Variants in RBFOX2 observed in about 807,000 individuals in gnomAD.
RBFOX2 encodes the protein RNA binding protein fox-1 homolog 2.
Under a neutral mutation model 49.1 loss-of-function variants are expected in RBFOX2, and 10 were observed. The observed-to-expected ratio is 0.20, with a 90% CI of 0.13 to 0.35. The LOEUF (loss-of-function observed/expected upper bound fraction) is 0.35, where lower values mean the gene tolerates loss of function less well. RBFOX2 is among the 10% of genes least tolerant of loss of function. The pLI is 1.00. For synonymous variants in RBFOX2, 183 were observed against 187.4 expected (o/e 0.98, Z 0.19); for missense variants, 323 against 486.9 (o/e 0.66, Z 3.17).
At chr22:35,866,155 G>A (rs2043656745) in intron 1 of RBFOX2, among the ~76,000 whole-genome samples, 2 of 152,090 alleles carry the variant, frequency 1.3e-5, no homozygotes, top group African/African-American at 4.8e-5. Context: ...TCAATCAAAA[G>A]CAAACAATAA....
intron 1 of RBFOX2, among the ~76,000 whole-genome samples, chr22:35,927,813 C>T (rs1815627166): frequency 6.6e-6 from 1 of 152,136 alleles, no homozygotes; most frequent in Admixed American, 6.5e-5. Flanking sequence ...TAAACTTACA[C>T]AGATTTCATT....
chr22:35,966,795 C>T (rs2056584396), intron 1 of RBFOX2, among the ~76,000 whole-genome samples: 1 of 152,070 alleles, frequency 6.6e-6, no homozygotes, highest in African/African-American at 2.4e-5. Context: ...TGCCTTTTTA[C>T]TTTCTTTTAT....
At chr22:35,757,586 T>C (rs576929643) in intron 9 of RBFOX2, among the ~76,000 whole-genome samples, 1 of 152,344 alleles carries the variant, frequency 6.6e-6, no homozygotes, top group South Asian at 2.1e-4. Flanking sequence ...GGAATGTTTC[T>C]TAATTCTATT....
chr22:35,981,514 C>T (rs1045524646), intron 1 of RBFOX2, among the ~76,000 whole-genome samples: 4 of 151,674 alleles, frequency 2.6e-5, no homozygotes, highest in South Asian at 2.1e-4. Context: ...TGGTGGTGCC[C>T]GCCTGTGGTC....
At chr22:35,904,893 G>A (rs1261177101) in intron 1 of RBFOX2, among the ~76,000 whole-genome samples, 1 of 152,190 alleles carries the variant, frequency 6.6e-6, no homozygotes, top group Non-Finnish European at 1.5e-5. Flanking sequence ...CACATGTCAA[G>A]TGCTCAAGAG....
intron 1 of RBFOX2, among the ~76,000 whole-genome samples, chr22:35,979,552 A>G (rs554289754): frequency 6.6e-6 from 1 of 152,336 alleles, no homozygotes; most frequent in African/African-American, 2.4e-5. Context: ...GTATGTACAC[A>G]AACCCCACAC....
chr22:35,746,978 C>G (rs1370026860), intron 9 of RBFOX2: 1 of 154,200 alleles, frequency 6.5e-6, no homozygotes, highest in Non-Finnish European at 1.4e-5. Flanking sequence ...TATGTGTTGA[C>G]TTCAGATTCT....
intron 1 of RBFOX2, among the ~76,000 whole-genome samples, chr22:35,958,263 C>G (rs1011904979): frequency 6.6e-6 from 1 of 152,072 alleles, no homozygotes; most frequent in African/African-American, 2.4e-5. Flanking sequence ...AGTTACTCAC[C>G]TTTCTGGGCC....
rs569045769 is a variant in RBFOX2 at position 35,977,447 on chromosome 22, T to C, written c.187-38550A>G. Among the ~76,000 whole-genome samples, 7 of 152,090 alleles carry C rather than the reference T, an allele frequency of 4.6e-5. No individual in the cohort carries two copies. The South Asian group carries it at 6.2e-4, about 14-fold the overall frequency. ...GAATTACACTAAGTGAAAGAAGCCA[T>C]ACTCAAAAAGCTACATAATACATGA... On this transcript the variant is annotated intron_variant, in intron 1 of 13. Transcript: ENST00000438146.
chr22:35,787,828 G>C (rs1413086884), intron 2 of RBFOX2, among the ~76,000 whole-genome samples: 1 of 152,094 alleles, frequency 6.6e-6, no homozygotes. Flanking sequence ...GTCATTATCC[G>C]ACCTAACGTA....
rs139002778 is a variant in RBFOX2, at chr22:35,876,807, G to C, written c.-34+62040C>G. ...AGAACCTAGTAATCATGGGGAAAAC[G>C]TTTGAGCACACTGTACCAGTAATGT... is the stretch of plus-strand genomic sequence containing the variant. On this transcript the variant is annotated intron_variant, in intron 1 of 13. Coordinates refer to the RBFOX2 transcript ENST00000359369. Among the ~76,000 whole-genome samples, 6 of 151,822 alleles carry C rather than the reference G, an allele frequency of 4.0e-5. No individual in the cohort carries two copies. The East Asian group carries it at 1.2e-3, about 29-fold the overall frequency.
chr22:35,897,922 A>C (rs1402269143), intron 1 of RBFOX2: 2 of 738,708 alleles, frequency 2.7e-6, no homozygotes, highest in East Asian at 5.0e-5. Flanking sequence ...GAATTTTCCA[A>C]CTTCAGCTTC....
chr22:35,763,904 G>C (rs1400158625), intron 6 of RBFOX2, among the ~76,000 whole-genome samples: 1 of 152,212 alleles, frequency 6.6e-6, no homozygotes, highest in African/African-American at 2.4e-5. Context: ...GTCAAACCTA[G>C]AAGGAGAACG....
intron 1 of RBFOX2, among the ~76,000 whole-genome samples, chr22:35,891,521 A>C (rs142695261): frequency 1.3e-5 from 2 of 152,308 alleles, no homozygotes; most frequent in Non-Finnish European, 2.9e-5. Context: ...ATGTTGGCTG[A>C]ACTGATTTAT....
chr22:35,929,982 T>G (rs2052168238), intron 1 of RBFOX2, among the ~76,000 whole-genome samples: 1 of 151,724 alleles, frequency 6.6e-6, no homozygotes, highest in African/African-American at 2.4e-5. Flanking sequence ...TTACATTGAG[T>G]AAATTTTAGG....
intron 1 of RBFOX2, among the ~76,000 whole-genome samples, chr22:35,814,413 G>C (rs1241855489): frequency 6.6e-6 from 1 of 151,922 alleles, no homozygotes; most frequent in Non-Finnish European, 1.5e-5. Context: ...GTAGTGTTTA[G>C]AAAATAATGA....
chr22:35,810,445 AAG>A (rs1176382207), intron 1 of RBFOX2, among the ~76,000 whole-genome samples: 1 of 152,172 alleles, frequency 6.6e-6, no homozygotes, highest in East Asian at 1.9e-4. Context: ...AGCAAAAGGT[AAG>A]AGAGATGCTG....
chr22:35,839,357 C>A (rs1958286396), intron 1 of RBFOX2, among the ~76,000 whole-genome samples: 1 of 150,914 alleles, frequency 6.6e-6, no homozygotes, highest in South Asian at 2.1e-4. Context: ...TTAGATATTG[C>A]CTGGCATAAC....
At chr22:35,853,350 G>A (rs1035946445) in intron 1 of RBFOX2, among the ~76,000 whole-genome samples, 1 of 151,248 alleles carries the variant, frequency 6.6e-6, no homozygotes, top group African/African-American at 2.4e-5. Context: ...ATGTGTTATA[G>A]TTCTATATTT....
Sources: allele counts gnomAD v4.1 joint callset (sites outside exome capture counted in the v4.1 genomes callset), GRCh38; gene constraint gnomAD v4.1.1; transcripts MANE v1.5; gene names NCBI Gene and HGNC (gene_info 2026-07-23, HGNC 2026-07-21).